ABLIM1: variants seen among roughly 807,000 people sequenced by gnomAD.
ABLIM1 encodes actin binding LIM protein 1.
ABLIM1 carries 40 observed loss-of-function variants against 107.0 expected under a neutral mutation model. That is an observed-to-expected ratio of 0.37 (90% confidence interval 0.29 to 0.49). The LOEUF (loss-of-function observed/expected upper bound fraction) is 0.49. Among genes scored for constraint, ABLIM1 ranks in the 20% least tolerant of loss-of-function variants. The probability of loss-of-function intolerance (pLI) is 0.97; values close to 1 mark genes in which losing one functional copy is unlikely to be tolerated. For missense variants in ABLIM1, 857 were observed against 1,008.5 expected, an observed-to-expected ratio of 0.85 and a Z score of 2.04; for synonymous variants, 357 against 357.3, an observed-to-expected ratio of 1.00 and a Z score of 0.01.
At chr10:114,646,256 A>G (rs2079008745) in intron 1 of ABLIM1, among the ~76,000 whole-genome samples, 1 of 152,192 alleles carries the variant, frequency 6.6e-6, no homozygotes, top group Non-Finnish European at 1.5e-5. Context: ...ATTTACCAAT[A>G]TGCTTCATTG....
chr10:114,685,945 C>T (rs1053120331), upstream of ABLIM1, among the ~76,000 whole-genome samples: 14 of 152,010 alleles, frequency 9.2e-5, no homozygotes, highest in Non-Finnish European at 4.4e-5. Context: ...AGTATTATTC[C>T]TACTTGATAT....
exon 1 of ABLIM1, chr10:114,684,669 A>G (rs2080886777): frequency 8.9e-7 from 1 of 1,123,390 alleles, no homozygotes; most frequent in African/African-American, 1.6e-5. Context: ...ACACCCACTG[A>G]AAACACTCGT....
At chr10:114,516,833 G>A (rs2062900286) in intron 6 of ABLIM1, among the ~76,000 whole-genome samples, 2 of 152,110 alleles carry the variant, frequency 1.3e-5, no homozygotes, top group African/African-American at 4.8e-5. Context: ...TTCTTCCTCT[G>A]TTTCCTTTCA....
intron 1 of ABLIM1, chr10:114,632,662 T>C (rs895942554): frequency 2.0e-6 from 2 of 985,338 alleles, no homozygotes; most frequent in African/African-American, 3.5e-5. Context: ...TTCAGGATTC[T>C]ATTCCTTATC....
At chr10:114,660,437 A>C (rs991003883), upstream of ABLIM1, among the ~76,000 whole-genome samples, 22 of 121,458 alleles carry the variant, frequency 1.8e-4, no homozygotes, top group Non-Finnish European at 3.0e-4. Context: ...TCCCTCCAAA[A>C]CTATTGAAAT....
intron 14 of ABLIM1, among the ~76,000 whole-genome samples, chr10:114,450,290 G>GA (rs1470103461): frequency 1.3e-5 from 2 of 148,834 alleles, no homozygotes; most frequent in Non-Finnish European, 1.5e-5. Flanking sequence ...AAAAAGATGA[G>GA]AAAAAAAATC....
At chr10:114,684,235 A>G (rs2080868150) in intron 1 of ABLIM1, 1 of 1,553,514 alleles carries the variant, frequency 6.4e-7, no homozygotes, top group Non-Finnish European at 8.8e-7. Context: ...ATCTTTAAAG[A>G]CACGGTCGAC....
intron 6 of ABLIM1, among the ~76,000 whole-genome samples, chr10:114,538,455 G>A (rs557525156): frequency 4.1e-4 from 63 of 152,232 alleles, no homozygotes; most frequent in Admixed American, 1.4e-3. Flanking sequence ...GACTTCCCTC[G>A]GCTCCATCTG....
intron 2 of ABLIM1, among the ~76,000 whole-genome samples, chr10:114,600,019 T>A (rs1205901534): frequency 6.6e-6 from 1 of 151,924 alleles, no homozygotes. Context: ...TCTAATTGGG[T>A]TCTATATTAA....
rs186980214 is a variant in ABLIM1, at chr10:114,455,712, C to A, written c.1442-2229G>T. Among the ~76,000 whole-genome samples the A allele has an allele frequency of 1.7e-4, 26 of 152,220 alleles. 1 individual carries two copies. The highest frequency in any genetic ancestry group is 8.8e-5 in the Non-Finnish European group (6 of 68,008). On this transcript the variant is annotated intron_variant, in intron 12 of 22. Coordinates refer to ENST00000533213, the MANE Select transcript of ABLIM1 (RefSeq NM_002313.7). ...ATTTATTGGCCTAATTTAGCAAGCACCATGGCAAGATTCACCATCAATTTT... is the reference window on the plus strand; with the variant it reads ...ATTTATTGGCCTAATTTAGCAAGCAACATGGCAAGATTCACCATCAATTTT...
At chr10:114,705,971 C>G (rs1240762759) in intron 1 of ABLIM1, among the ~76,000 whole-genome samples, 2 of 152,152 alleles carry the variant, frequency 1.3e-5, no homozygotes, top group Non-Finnish European at 2.9e-5. Context: ...CCTGAAACCT[C>G]TAATACAAGG....
intron 2 of ABLIM1, among the ~76,000 whole-genome samples, chr10:114,586,222 A>G (rs968583583): frequency 1.3e-5 from 2 of 151,568 alleles, no homozygotes; most frequent in African/African-American, 4.8e-5. Flanking sequence ...TCTTTCAGCA[A>G]CTGAAATTGA....
In ABLIM1 at chr10:114,493,446, G is replaced by A. The variant is rs375429263; in HGVS notation, c.895-1568C>T. ...AAGTGTATTTATCATATTTAGTGGT[G>A]AAACGTTCGAGGCATTCTCATTAAA... On this transcript the variant is annotated intron_variant, in intron 6 of 22. Coordinates refer to ENST00000533213, the MANE Select transcript of ABLIM1 (RefSeq NM_002313.7). 3.3e-5 allele frequency among the ~76,000 whole-genome samples: 5 copies of A among 152,288 alleles called. No individual in the cohort carries two copies. The East Asian group carries it at 9.7e-4, about 29-fold the overall frequency.
intron 1 of ABLIM1, among the ~76,000 whole-genome samples, chr10:114,744,109 TTA>T: frequency 6.6e-6 from 1 of 152,294 alleles, no homozygotes; most frequent in Admixed American, 6.5e-5. Flanking sequence ...TCTGTTGGTG[TTA>T]TATCACAGGC....
chr10:114,573,999 A>C (rs2072092687), intron 3 of ABLIM1, among the ~76,000 whole-genome samples: 4 of 152,232 alleles, frequency 2.6e-5, no homozygotes, highest in Admixed American at 2.6e-4. Flanking sequence ...AATGAAATAG[A>C]GAAATGAGCT....
intron 1 of ABLIM1, among the ~76,000 whole-genome samples, chr10:114,709,321 T>C (rs1265967891): frequency 6.6e-6 from 1 of 152,188 alleles, no homozygotes; most frequent in Non-Finnish European, 1.5e-5. Flanking sequence ...TTGAATCGTA[T>C]AAAGCAGAAA....
At chr10:114,653,640 T>C (rs1355690547) in intron 1 of ABLIM1, among the ~76,000 whole-genome samples, 1 of 152,210 alleles carries the variant, frequency 6.6e-6, no homozygotes, top group Non-Finnish European at 1.5e-5. Flanking sequence ...CAGTACTACA[T>C]CTACAGTCAG....
At chr10:114,770,273 T>C (rs556665981), upstream of ABLIM1, among the ~76,000 whole-genome samples, 2 of 152,256 alleles carry the variant, frequency 1.3e-5, no homozygotes, top group Admixed American at 6.5e-5. Context: ...GTCTCTAGGG[T>C]AGATACTAGG....
the ABLIM1 span, among the ~76,000 whole-genome samples, chr10:114,774,830 G>A: frequency 5.8e-4 from 89 of 152,154 alleles, no homozygotes; most frequent in Non-Finnish European, 9.0e-4. Flanking sequence ...GAACCAAGGC[G>A]GAGATAAGAA....
Sources: allele counts gnomAD v4.1 joint callset (sites outside exome capture counted in the v4.1 genomes callset), GRCh38; gene constraint gnomAD v4.1.1; transcripts MANE v1.5; gene names NCBI Gene and HGNC (gene_info 2026-07-23, HGNC 2026-07-21).